The following MYO1H variants were observed in gnomAD, a reference collection of about 807,000 sequenced individuals.
The protein encoded by MYO1H is unconventional myosin-Ih.
In MYO1H, 118 loss-of-function variants were observed where a neutral mutation model predicts 149.3. That is an observed-to-expected ratio of 0.79 (90% CI 0.68 to 0.92). MYO1H has a LOEUF of 0.92. Ranked by LOEUF, MYO1H falls within the 40% of genes least tolerant of loss-of-function variation. The probability of loss-of-function intolerance (pLI) is 0.00; values close to 1 mark genes in which losing one functional copy is unlikely to be tolerated. For synonymous variants in MYO1H, 447 were observed against 465.2 expected, an observed-to-expected ratio of 0.96 and a Z score of 0.50; for missense variants, 1,212 against 1,280.7, an observed-to-expected ratio of 0.95 and a Z score of 0.82.
chr12:109,416,680 G>A (rs182629272), intron 15 of MYO1H, among the ~76,000 whole-genome samples: 96 of 152,120 alleles, frequency 6.3e-4, no homozygotes, highest in African/African-American at 2.2e-3. Context: ...CGTAGGAATG[G>A]AATTATTAGA....
intron 5 of MYO1H, among the ~76,000 whole-genome samples, chr12:109,399,717 G>T (rs143814872): frequency 0.037 from 5,547 of 151,956 alleles, 127 homozygotes; most frequent in Middle Eastern, 0.065. Context: ...TTCAAGACCA[G>T]CCTGGGCAAC....
At chr12:109,376,787 T>A (rs1417641324) in intron 1 of MYO1H, among the ~76,000 whole-genome samples, 1 of 152,232 alleles carries the variant, frequency 6.6e-6, no homozygotes, top group East Asian at 1.9e-4. Context: ...TCTTGGTCCT[T>A]TGCAATTTCA....
At chr12:109,318,153 A>G in the MYO1H span, among the ~76,000 whole-genome samples, 1 of 152,212 alleles carries the variant, frequency 6.6e-6, no homozygotes, top group Non-Finnish European at 1.5e-5. Flanking sequence ...CAAAGTATAA[A>G]ACAAGTATCT....
intron 1 of MYO1H, among the ~76,000 whole-genome samples, chr12:109,349,915 C>T (rs548055977): frequency 1.4e-4 from 21 of 148,948 alleles, no homozygotes; most frequent in African/African-American, 4.4e-4. Flanking sequence ...GAGCGGAGAT[C>T]ACGCCACTGC....
intron 10 of MYO1H, 151 bp downstream of exon 10, chr12:109,408,064 G>T (rs1342336441): frequency 4.2e-6 from 4 of 948,506 alleles, no homozygotes; most frequent in African/African-American, 3.2e-5. Context: ...CCCATGTCTA[G>T]CATACAGTAT....
At chr12:109,364,812 T>C (rs1301848688) in intron 1 of MYO1H, among the ~76,000 whole-genome samples, 1 of 152,182 alleles carries the variant, frequency 6.6e-6, no homozygotes, top group Non-Finnish European at 1.5e-5. Context: ...ATAATCAAAA[T>C]TTACAATGCT....
At chr12:109,386,995 C>CGTGTGTGTGTGTGTGT (rs55675476) in intron 1 of MYO1H, among the ~76,000 whole-genome samples, 2 of 141,092 alleles carry the variant, frequency 1.4e-5, no homozygotes, top group Non-Finnish European at 1.5e-5. Context: ...ATCTCAAGTT[C>CGTGTGTGTGTGTGTGT]GTGTGTGTGT....
At chr12:109,342,037 G>A in the MYO1H span, among the ~76,000 whole-genome samples, 1 of 151,612 alleles carries the variant, frequency 6.6e-6, no homozygotes, top group Non-Finnish European at 1.5e-5. Flanking sequence ...TTTCAGAAAT[G>A]ATCAAAGCAT....
intron 1 of MYO1H, among the ~76,000 whole-genome samples, chr12:109,371,809 C>T (rs1367325820): frequency 6.6e-6 from 1 of 152,070 alleles, no homozygotes; most frequent in Non-Finnish European, 1.5e-5. Context: ...AATTCCTTTC[C>T]ACACTTACTG....
intron 1 of MYO1H, among the ~76,000 whole-genome samples, chr12:109,374,914 G>A (rs1304634617): frequency 6.6e-6 from 1 of 151,722 alleles, no homozygotes; most frequent in Non-Finnish European, 1.5e-5. Context: ...GAGTGTAGTG[G>A]CATGATCTCG....
chr12:109,419,107 G>T (rs768722018), intron 15 of MYO1H, among the ~76,000 whole-genome samples: 1 of 152,086 alleles, frequency 6.6e-6, no homozygotes. Context: ...GTCTCCTTTG[G>T]GGGGACCACA....
chr12:109,424,936 C>G (rs1401450196), intron 17 of MYO1H, 108 bp downstream of exon 17: 7 of 794,262 alleles, frequency 8.8e-6, no homozygotes, highest in Non-Finnish European at 1.5e-5. Context: ...AAGTATTACT[C>G]TCTAACAGAT....
In MYO1H at chr12:109,407,820, CTCTG is replaced by C; in HGVS notation, c.1066_1069del (p.Val356ThrfsTer26). The stretch of plus-strand genomic sequence containing the variant: ...TGATCTGCCCGTTGACACTAGAACT[CTCTG>C]TCTACGCTAGAGATGCAATGGCAAA... On this transcript the variant is annotated frameshift_variant, in exon 10 of 32. Transcript: ENST00000310903. LOFTEE classifies it high-confidence loss of function. The C allele has an allele frequency of 6.2e-7, 1 of 1,613,892 alleles. No individual in the cohort carries two copies. The highest frequency in any genetic ancestry group is 1.3e-5 in the African/African-American group (1 of 75,032).
Position 109,426,019 on chromosome 12 carries a change from G to A in MYO1H, c.1799G>A (p.Arg600His), listed in dbSNP as rs754059239. The change falls in exon 18 of 32, where the codon CGT becomes CAT. Residue 600 changes from arginine to histidine, a missense_variant. Coordinates refer to ENST00000310903, the Ensembl canonical transcript of MYO1H. ...ATCTCTAAGGAGCCCTCCTACATCC[G>A]TTGCATCAAGCCCAACGACAGGAAA... is the stretch of plus-strand genomic sequence containing the variant. 117 of 1,613,626 alleles carry A rather than the reference G, an allele frequency of 7.3e-5. 1 individual carries two copies. Among genetic ancestry groups the A allele is most frequent in the Middle Eastern group, 3.3e-4 (2 of 6,084 alleles).
intron 14 of MYO1H, among the ~76,000 whole-genome samples, chr12:109,413,409 TA>T (rs1346169888): frequency 6.6e-6 from 1 of 152,196 alleles, no homozygotes; most frequent in Non-Finnish European, 1.5e-5. Context: ...GGTAAAGACT[TA>T]GTAAATGGTG....
At chr12:109,322,637 T>A in the MYO1H span, among the ~76,000 whole-genome samples, 3 of 151,684 alleles carry the variant, frequency 2.0e-5, no homozygotes, top group Non-Finnish European at 4.4e-5. Flanking sequence ...CTGACCAATA[T>A]GGTGAAACTC....
Position 109,407,924 on chromosome 12 carries a change from G to T in MYO1H, c.1155+11G>T. 1 of 1,613,720 alleles carries T rather than the reference G, an allele frequency of 6.2e-7. No individual in the cohort carries two copies. Among genetic ancestry groups the T allele is most frequent in the Non-Finnish European group, 8.5e-7 (1 of 1,179,852 alleles). Reference sequence around the variant, plus strand: ...TCCTTAGTTAACAAGGTTGGTCAACGCATTTTGGATCCCTTGCTCTTGCTC... The same window carrying T: ...TCCTTAGTTAACAAGGTTGGTCAACTCATTTTGGATCCCTTGCTCTTGCTC... On this transcript the variant is annotated intron_variant, in intron 10 of 31. Coordinates refer to ENST00000310903, the Ensembl canonical transcript of MYO1H.
chr12:109,311,853 T>C, the MYO1H span, among the ~76,000 whole-genome samples: 11 of 152,204 alleles, frequency 7.2e-5, no homozygotes, highest in Admixed American at 3.3e-4. Context: ...ATACAAGAAA[T>C]CTTGCAGAAG....
the MYO1H span, among the ~76,000 whole-genome samples, chr12:109,333,181 G>C: frequency 1.3e-5 from 2 of 152,186 alleles, no homozygotes; most frequent in Admixed American, 6.5e-5. Flanking sequence ...TTAGCCAGGC[G>C]TGGTGGCAGG....
Sources: allele counts gnomAD v4.1 joint callset (sites outside exome capture counted in the v4.1 genomes callset), GRCh38; gene constraint gnomAD v4.1.1; transcripts MANE v1.5; gene names NCBI Gene and HGNC (gene_info 2026-07-23, HGNC 2026-07-21).